Variants in DIAPH2 observed in about 807,000 individuals in gnomAD.
DIAPH2 encodes the protein protein diaphanous homolog 2.
A neutral mutation model predicts 92.7 loss-of-function variants in DIAPH2; 35 were observed. The observed-to-expected ratio is 0.38, with a 90% CI of 0.29 to 0.50. DIAPH2 has a LOEUF of 0.50. Among genes scored for constraint, DIAPH2 ranks in the 20% least tolerant of loss-of-function variants. DIAPH2 has a pLI of 0.94. For missense variants in DIAPH2, 701 were observed against 819.5 expected (o/e 0.86, Z 1.77); for synonymous variants, 301 against 280.4 (o/e 1.07, Z -0.73).
intron 22 of DIAPH2, among the ~76,000 whole-genome samples, chrX:97,244,099 A>C (rs1254757489): frequency 8.9e-6 from 1 of 112,199 alleles, no homozygotes; most frequent in East Asian, 2.8e-4. Context: ...TTAAACAAAC[A>C]AAAAGTACAT....
chrX:97,213,794 AT>A (rs1022210716), intron 22 of DIAPH2, among the ~76,000 whole-genome samples: 18 of 112,390 alleles, frequency 1.6e-4, no homozygotes, highest in African/African-American at 5.5e-4. Flanking sequence ...AGTACAGATA[AT>A]TTTGTGTAGT....
chrX:97,240,434 G>A (rs971299504), intron 22 of DIAPH2, among the ~76,000 whole-genome samples: 7 of 110,415 alleles, frequency 6.3e-5, no homozygotes, highest in East Asian at 5.7e-4. Flanking sequence ...GTGAAACCCC[G>A]TCTCTACTAA....
intron 23 of DIAPH2, among the ~76,000 whole-genome samples, chrX:97,294,128 T>C (rs1386372628): frequency 9.0e-6 from 1 of 111,692 alleles, no homozygotes; most frequent in African/African-American, 3.3e-5. Flanking sequence ...GGTAGGTTCG[T>C]AGTTTATCTT....
At chrX:97,386,235 T>A (rs749874810) in intron 25 of DIAPH2, among the ~76,000 whole-genome samples, 1 of 112,335 alleles carries the variant, frequency 8.9e-6, no homozygotes, top group Admixed American at 9.5e-5. Context: ...CAACATAATT[T>A]AGCAAACGAA....
At chrX:96,772,588 T>C (rs1051661275) in intron 4 of DIAPH2, among the ~76,000 whole-genome samples, 18 of 112,562 alleles carry the variant, frequency 1.6e-4, no homozygotes. Flanking sequence ...ATAATGGTGA[T>C]GTGACCAGTG....
At chrX:96,840,909 G>A (rs1237131646) in intron 4 of DIAPH2, among the ~76,000 whole-genome samples, 2 of 111,609 alleles carry the variant, frequency 1.8e-5, no homozygotes, top group Non-Finnish European at 3.8e-5. Context: ...CACCGTGCCC[G>A]GCCCATTTTG....
chrX:96,989,320 G>C (rs934324287), intron 17 of DIAPH2, among the ~76,000 whole-genome samples: 1 of 109,867 alleles, frequency 9.1e-6, no homozygotes, highest in African/African-American at 3.3e-5. Context: ...ATTTCTTCGT[G>C]CTCCATTCTT....
rs190517367 is a variant in DIAPH2, at chrX:96,929,016, G to T, written c.979-1717G>T. 1.2e-3 allele frequency among the ~76,000 whole-genome samples: 138 copies of T among 111,268 alleles called. 1 individual carries two copies. The highest frequency in any genetic ancestry group is 1.9e-3 in the Non-Finnish European group (101 of 52,725). On this transcript the variant is annotated intron_variant, in intron 9 of 26. Transcript: ENST00000324765. ...CAGAAATGTTCTCTTTACTTGTAGG[G>T]TATTAATACAAGCCATTAAGCTAGA...
Position 97,089,736 on chromosome X carries a change from T to G in DIAPH2, c.2248-9958T>G, listed in dbSNP as rs185452974. Among the ~76,000 whole-genome samples the G allele has an allele frequency of 8.2e-5, 9 of 109,498 alleles. No homozygotes were observed. The East Asian group carries it at 2.3e-3, about 28-fold the overall frequency. ...AAAATAATCAATTATTTTATTTTAT[T>G]TTTTTTTTGGAGACAGAGTCTTGCT... is the stretch of plus-strand genomic sequence containing the variant. On this transcript the variant is annotated intron_variant, in intron 19 of 26. Coordinates refer to ENST00000324765, the MANE Select transcript of DIAPH2 (RefSeq NM_006729.5).
At chrX:97,240,555 G>A (rs1254160762) in intron 22 of DIAPH2, among the ~76,000 whole-genome samples, 2 of 105,710 alleles carry the variant, frequency 1.9e-5, no homozygotes, top group Non-Finnish European at 3.8e-5. Context: ...GTAGTGAGCC[G>A]AGATTGTACC....
chrX:97,475,980 G>T (rs1286282783), intron 26 of DIAPH2, among the ~76,000 whole-genome samples: 1 of 111,711 alleles, frequency 9.0e-6, no homozygotes, highest in Non-Finnish European at 1.9e-5. Context: ...CTACCTATGT[G>T]CATCATATTA....
chrX:97,354,453 A>G (rs2069246086), intron 24 of DIAPH2, among the ~76,000 whole-genome samples: 2 of 110,509 alleles, frequency 1.8e-5, no homozygotes, highest in Non-Finnish European at 3.8e-5. Context: ...GCTCACTGCA[A>G]CCTCCACCCC....
intron 26 of DIAPH2, chrX:97,431,758 T>C: frequency 8.9e-6 from 1 of 112,093 alleles, no homozygotes; most frequent in Non-Finnish European, 1.9e-5. Flanking sequence ...GGGAAGCACC[T>C]TGGTCATCAG....
intron 26 of DIAPH2, among the ~76,000 whole-genome samples, chrX:97,562,740 C>G (rs943382147): frequency 8.1e-5 from 9 of 111,398 alleles, no homozygotes; most frequent in African/African-American, 2.9e-4. Context: ...GAACTTAAAA[C>G]TAAGGTAGAT....
At chrX:96,787,378 A>G (rs1365459249) in intron 4 of DIAPH2, among the ~76,000 whole-genome samples, 1 of 111,226 alleles carries the variant, frequency 9.0e-6, no homozygotes, top group Non-Finnish European at 1.9e-5. Context: ...ATTCTGAGTA[A>G]AGAAAAAAAT....
At position 97,484,130 on chromosome X, in the gene DIAPH2, C is replaced by T. The variant is rs749516356; in HGVS notation, c.3241+54385C>T. Among the ~76,000 whole-genome samples the T allele has an allele frequency of 9.0e-5, 10 of 111,329 alleles. 1 individual carries two copies. In the East Asian group the frequency reaches 2.8e-3, roughly 31 times the overall value. Reference sequence around the variant, plus strand: ...AAATTTAGAGTATCAGACCATACCCCAGGTCTTGAATCACAGTATATAGTG... The same window carrying T: ...AAATTTAGAGTATCAGACCATACCCTAGGTCTTGAATCACAGTATATAGTG... On this transcript the variant is annotated intron_variant, in intron 26 of 26. Coordinates refer to ENST00000324765, the MANE Select transcript of DIAPH2 (RefSeq NM_006729.5).
chrX:97,415,357 A>G (rs2069931949), intron 25 of DIAPH2, among the ~76,000 whole-genome samples: 2 of 112,191 alleles, frequency 1.8e-5, no homozygotes, highest in Admixed American at 1.9e-4. Context: ...TACTGGGTAT[A>G]TAACCAAAGG....
chrX:96,731,364 C>T (rs2147561451), intron 1 of DIAPH2, among the ~76,000 whole-genome samples: 1 of 111,771 alleles, frequency 8.9e-6, no homozygotes, highest in East Asian at 2.8e-4. Flanking sequence ...CCCTTCATCT[C>T]TATTGTAATG....
chrX:96,897,677 G>A (rs1333260546), intron 5 of DIAPH2, among the ~76,000 whole-genome samples: 6 of 109,900 alleles, frequency 5.5e-5, no homozygotes, highest in Non-Finnish European at 5.7e-5. Flanking sequence ...TTATTTGTAG[G>A]CAAATGTTAA....
Sources: gnomAD v4.1 joint callset for allele counts (sites outside exome capture counted in the v4.1 genomes callset) on GRCh38, gnomAD v4.1.1 for gene constraint, MANE v1.5 for transcripts, NCBI Gene and HGNC (gene_info 2026-07-23, HGNC 2026-07-21) for gene names.